Variants in EXTL2 observed in about 807,000 individuals in gnomAD.
EXTL2 encodes exostosin-like 2.
Under a neutral mutation model 30.7 loss-of-function variants are expected in EXTL2, and 23 were observed. The observed-to-expected ratio is 0.75, with a 90% CI of 0.54 to 1.06. EXTL2 has a LOEUF of 1.06. Among genes scored for constraint, EXTL2 ranks in the 50% least tolerant of loss-of-function variants. The pLI is 0.00. For synonymous variants in EXTL2, 123 were observed against 133.8 expected (o/e 0.92, Z 0.56); for missense variants, 352 against 396.3 (o/e 0.89, Z 0.95).
chr1:100,889,335 C>A (rs377639506), intron 1 of EXTL2, among the ~76,000 whole-genome samples: 33 of 152,214 alleles, frequency 2.2e-4, no homozygotes, highest in African/African-American at 7.7e-4. Flanking sequence ...ATCTAATCAC[C>A]TCCCACTGGG....
rs758610643 is a variant in EXTL2 at position 100,874,412 on chromosome 1, C to A, written c.523G>T (p.Val175Leu). The A allele has an allele frequency of 6.3e-7, 1 of 1,586,304 alleles. No individual in the cohort carries two copies. The highest frequency in any genetic ancestry group is 1.8e-5 in the Admixed American group (1 of 55,996). ...SVWQQFPDQI[V>L]GFVPRKHVST... ...ACGTGCTTTCTAGGAACAAATCCTA[C>A]AATTTGATCAGGAAATTGCTGAAAA... The change falls in exon 5 of 5, where the codon GTA (valine) becomes TTA (leucine). Residue 175 changes from valine to leucine, a missense_variant. By Grantham distance (32) the Val-to-Leu change is conservative. Coordinates refer to ENST00000370114, the MANE Select transcript of EXTL2 (RefSeq NM_001033025.3).
chr1:100,886,370 A>G (rs184481106), intron 2 of EXTL2, among the ~76,000 whole-genome samples: 28 of 152,348 alleles, frequency 1.8e-4, no homozygotes, highest in Admixed American at 5.2e-4. Context: ...TGCTGATTAC[A>G]TTAAACATCA....
Position 100,894,761 on chromosome 1 carries a change from CCTT to C in EXTL2, c.-203_-201del, listed in dbSNP as rs761127207. On this transcript the variant is annotated 5_prime_UTR_variant, in exon 1 of 5. Coordinates refer to ENST00000370114, the MANE Select transcript of EXTL2 (RefSeq NM_001033025.3). ...TCTAAACCAAGTAGCGTGCATCTATCCTTCTCCATTAGCTGGATTAACAACCTG... is the reference window on the plus strand; with the variant it reads ...TCTAAACCAAGTAGCGTGCATCTATCCTCCATTAGCTGGATTAACAACCTG... The C allele has an allele frequency of 2.6e-5, 4 of 151,992 alleles. No homozygotes were observed. Among genetic ancestry groups the C allele is most frequent in the African/African-American group, 9.7e-5 (4 of 41,308 alleles). The allele number at this position is 151,992 out of a possible 1,614,324, so 9.4% of individuals were successfully genotyped here. A position where few individuals can be genotyped will look rare whatever the true frequency, so the allele number is the denominator to read the frequency against.
At chr1:100,885,180 A>T (rs943009041) in intron 2 of EXTL2, among the ~76,000 whole-genome samples, 1 of 152,218 alleles carries the variant, frequency 6.6e-6, no homozygotes, top group Non-Finnish European at 1.5e-5. Flanking sequence ...TTCTGTGGCC[A>T]AGCCACTTGA....
At chr1:100,886,093 T>A (rs550647050) in intron 2 of EXTL2, among the ~76,000 whole-genome samples, 1 of 152,352 alleles carries the variant, frequency 6.6e-6, no homozygotes, top group Admixed American at 6.5e-5. Context: ...ACAATCTGGA[T>A]CAACTGTGTT....
chr1:100,876,560 T>C (rs879278122), intron 4 of EXTL2, among the ~76,000 whole-genome samples: 1 of 152,060 alleles, frequency 6.6e-6, no homozygotes, highest in Admixed American at 6.6e-5. Context: ...CAGTTCTAGC[T>C]CTTTTCCCCA....
chr1:100,873,728 A>G lies in EXTL2; in HGVS notation c.*214T>C. ...ACCAAGGAGTTATATCCCTGGATGAAAACTCTTCATAAGAAGACCTAACTG... is the reference window on the plus strand; with the variant it reads ...ACCAAGGAGTTATATCCCTGGATGAGAACTCTTCATAAGAAGACCTAACTG... On this transcript the variant is annotated 3_prime_UTR_variant, in exon 5 of 5. Coordinates refer to ENST00000370114, the MANE Select transcript of EXTL2 (RefSeq NM_001033025.3). 2.2e-6 allele frequency: 1 copy of G among 462,246 alleles called. No individual in the cohort carries two copies. The highest frequency in any genetic ancestry group is 3.8e-6 in the Non-Finnish European group (1 of 264,296). The allele number at this position is 462,246 out of a possible 1,614,324, so 28.6% of individuals were successfully genotyped here.
At chr1:100,880,929 T>C (rs1227824737) in intron 2 of EXTL2, 11 of 956,628 alleles carry the variant, frequency 1.1e-5, no homozygotes, top group Non-Finnish European at 1.4e-5. Flanking sequence ...ACTATAAATA[T>C]ACACCGTTGA....
chr1:100,886,830 T>A (rs1650007602), intron 2 of EXTL2, among the ~76,000 whole-genome samples: 2 of 152,176 alleles, frequency 1.3e-5, no homozygotes, highest in African/African-American at 4.8e-5. Flanking sequence ...TTTGCACCTA[T>A]CTCTTGGAAT....
In EXTL2 at chr1:100,873,895, A is replaced by T. The variant is rs1381128148; in HGVS notation, c.*47T>A. The T allele has an allele frequency of 2.0e-6, 3 of 1,513,596 alleles. No homozygotes were observed. The highest frequency in any genetic ancestry group is 2.6e-6 in the Non-Finnish European group (3 of 1,133,566). The allele number at this position is 1,513,596 out of a possible 1,614,324, so 93.8% of individuals were successfully genotyped here. On this transcript the variant is annotated 3_prime_UTR_variant, in exon 5 of 5. Coordinates refer to ENST00000370114, the MANE Select transcript of EXTL2 (RefSeq NM_001033025.3). ...AAAAAATACATAGCATGGAGAAGCT[A>T]CTCAAATGCCAAGCAGTTTTCAGGT...
intron 2 of EXTL2, chr1:100,888,337 T>C (rs1188270284): frequency 6.4e-6 from 1 of 155,530 alleles, no homozygotes; most frequent in Admixed American, 6.5e-5. Context: ...TTAGAAAATA[T>C]GATACACAGG....
rs10547668 is a variant in EXTL2, at chr1:100,875,230, GACACACAC to G, written c.505-808_505-801del. Among the ~76,000 whole-genome samples the G allele has an allele frequency of 6.2e-3, 921 of 149,416 alleles. 9 individuals carry two copies. The highest frequency in any genetic ancestry group is 0.021 in the African/African-American group (875 of 40,774). On this transcript the variant is annotated intron_variant, in intron 4 of 4. Coordinates refer to ENST00000370114, the MANE Select transcript of EXTL2 (RefSeq NM_001033025.3). ...TTTATTGAACAGATGCAGAACTAGG[GACACACAC>G]ACACACACACACACACACACACGAG...
At chr1:100,884,470 C>T (rs956801686) in intron 2 of EXTL2, among the ~76,000 whole-genome samples, 9 of 152,156 alleles carry the variant, frequency 5.9e-5, no homozygotes, top group Non-Finnish European at 1.3e-4. Context: ...TTGGAAGAGA[C>T]GGCTCTACAA....
intron 1 of EXTL2, among the ~76,000 whole-genome samples, chr1:100,890,918 G>A (rs1439616631): frequency 6.6e-6 from 1 of 152,190 alleles, no homozygotes; most frequent in East Asian, 1.9e-4. Context: ...ACTCTCTGCA[G>A]TACCAATTTA....
intron 4 of EXTL2, among the ~76,000 whole-genome samples, chr1:100,875,225 C>T (rs1186438763): frequency 2.2e-5 from 2 of 92,748 alleles, no homozygotes; most frequent in Non-Finnish European, 2.2e-5. Flanking sequence ...AGATGCAGAA[C>T]TAGGGACACA....
Position 100,877,410 on chromosome 1 carries a change from TCA to T in EXTL2, c.433+64_433+65del, listed in dbSNP as rs869155886. 7.1e-7 allele frequency: 1 copy of T among 1,402,108 alleles called. No individual in the cohort carries two copies. Among genetic ancestry groups the T allele is most frequent in the East Asian group, 2.3e-5 (1 of 43,088 alleles). The allele number at this position is 1,402,108 out of a possible 1,614,324, so 86.9% of individuals were successfully genotyped here. ...GACGGTTAAGCAGAAGGCCAGAAAT[TCA>T]CATGTCTGTCCCAGCTCTGGACAGC... On this transcript the variant is annotated intron_variant, in intron 3 of 4. Transcript: ENST00000370114. This position sits in a 1 kb window ranked among gnomAD's most constrained non-coding sequence, Gnocchi z 4.1.
In EXTL2 at chr1:100,888,707, G is replaced by C. The variant is rs753325088; in HGVS notation, c.5+46C>G. On this transcript the variant is annotated intron_variant, in intron 2 of 4. Transcript: ENST00000370114. ...TAAGGTGATAAATTTTGTGTTATACGTATTTTACAACAGTTAAACAAAAGC... is the reference window on the plus strand; with the variant it reads ...TAAGGTGATAAATTTTGTGTTATACCTATTTTACAACAGTTAAACAAAAGC... 18 of 1,074,716 alleles carry C rather than the reference G, an allele frequency of 1.7e-5. No individual in the cohort carries two copies. In the South Asian group the frequency reaches 2.5e-4, roughly 15 times the overall value. The allele number at this position is 1,074,716 out of a possible 1,614,324, so 66.6% of individuals were successfully genotyped here.
At chr1:100,888,164 G>C (rs1482095625) in intron 2 of EXTL2, among the ~76,000 whole-genome samples, 1 of 152,210 alleles carries the variant, frequency 6.6e-6, no homozygotes, top group Admixed American at 6.5e-5. Context: ...TTTGGCTTAA[G>C]TAAGAACTAG....
intron 4 of EXTL2, among the ~76,000 whole-genome samples, chr1:100,875,258 C>CAG (rs1171508348): frequency 6.6e-6 from 1 of 150,600 alleles, no homozygotes; most frequent in Non-Finnish European, 1.5e-5. Flanking sequence ...CACACACACA[C>CAG]ACGAGGCTGA....
Sources: gnomAD v4.1 joint callset for allele counts (sites outside exome capture counted in the v4.1 genomes callset) on GRCh38, gnomAD v4.1.1 for gene constraint, Gnocchi (gnomAD v3.1) non-coding constraint, MANE v1.5 for transcripts, NCBI Gene and HGNC (gene_info 2026-07-23, HGNC 2026-07-21) for gene names.